The following DMD variants were observed in gnomAD, a reference collection of about 807,000 sequenced individuals.
DMD encodes the protein mutant dystrophin.
In DMD, 63 loss-of-function variants were observed where a neutral mutation model predicts 330.1. The observed-to-expected ratio is 0.19, with a 90% CI of 0.16 to 0.24. DMD has a LOEUF of 0.24. Ranked by LOEUF, DMD falls within the 10% of genes least tolerant of loss-of-function variation. DMD has a pLI of 1.00. For synonymous variants in DMD, 1,223 were observed against 959.8 expected (o/e 1.27, Z -5.07); for missense variants, 3,344 against 2,684.1 (o/e 1.25, Z -5.43).
intron 73 of DMD, 147 bp downstream of exon 73, chrX:31,172,201 A>T: frequency 2.0e-6 from 1 of 510,525 alleles, no homozygotes; most frequent in Non-Finnish European, 3.4e-6. Context: ...GGGCATTAAG[A>T]ATTAAAGGAA....
chrX:32,375,950 T>C (rs1160547427), intron 34 of DMD, among the ~76,000 whole-genome samples: 1 of 111,615 alleles, frequency 9.0e-6, no homozygotes, highest in African/African-American at 3.3e-5. Flanking sequence ...CTATGCCAAG[T>C]TTATAAAGAA....
At chrX:31,979,396 A>T (rs2095460229) in intron 44 of DMD, among the ~76,000 whole-genome samples, 1 of 111,598 alleles carries the variant, frequency 9.0e-6, no homozygotes, top group East Asian at 2.8e-4. Context: ...GATTGTCTTT[A>T]TTTCAGGGAC....
At chrX:32,359,410 C>T (rs994864551) in intron 37 of DMD, among the ~76,000 whole-genome samples, 15 of 111,823 alleles carry the variant, frequency 1.3e-4, no homozygotes, top group Admixed American at 1.9e-4. Flanking sequence ...ATGACCTACC[C>T]GTGTTCAATC....
rs889535835 is a variant in DMD at position 32,818,923 on chromosome X, T to A, written c.358-2283A>T. Among the ~76,000 whole-genome samples, 21 of 110,477 alleles carry A rather than the reference T, an allele frequency of 1.9e-4. No individual in the cohort carries two copies. The Middle Eastern group carries it at 0.014, about 74-fold the overall frequency. On this transcript the variant is annotated intron_variant, in intron 5 of 78. Coordinates refer to ENST00000357033, the MANE Select transcript of DMD (RefSeq NM_004006.3). ...CCTAGCTGCAAGTTGTCTATGGGGT[T>A]TGAATAAGCGTGTCATAGGGTCTAC...
intron 51 of DMD, among the ~76,000 whole-genome samples, chrX:31,746,314 C>G (rs2087832401): frequency 9.0e-6 from 1 of 111,381 alleles, no homozygotes; most frequent in Non-Finnish European, 1.9e-5. Flanking sequence ...CACAGTTAAT[C>G]AGAATAATTC....
chrX:32,611,421 A>G (rs141729402), intron 12 of DMD, among the ~76,000 whole-genome samples: 5,361 of 111,062 alleles, frequency 0.048, 126 homozygotes, highest in Middle Eastern at 0.069. Flanking sequence ...TTTGTTTCAC[A>G]TTTTTTCTTC....
chrX:32,178,830 GGTGTGTGTGTGTGTGTGT>G (rs60773717), intron 44 of DMD, among the ~76,000 whole-genome samples: 21 of 99,176 alleles, frequency 2.1e-4, no homozygotes, highest in African/African-American at 6.8e-4. Context: ...TATTCCAGGG[GGTGTGTGTGTGTGTGTGT>G]GTGTGTGTGT....
intron 52 of DMD, among the ~76,000 whole-genome samples, chrX:31,715,441 G>T (rs1481370750): frequency 1.9e-5 from 2 of 103,483 alleles, no homozygotes; most frequent in South Asian, 4.7e-4. Context: ...TACACGGGAG[G>T]CTGAGGCAGG....
At chrX:31,273,593 G>A (rs1390471443) in intron 62 of DMD, among the ~76,000 whole-genome samples, 1 of 111,805 alleles carries the variant, frequency 8.9e-6, no homozygotes, top group African/African-American at 3.2e-5. Flanking sequence ...TCAATTAAGC[G>A]AACAAGGAAG....
chrX:31,505,026 A>C (rs1223512498), intron 56 of DMD, among the ~76,000 whole-genome samples: 1 of 112,052 alleles, frequency 8.9e-6, no homozygotes, highest in African/African-American at 3.2e-5. Flanking sequence ...GCCACTTTCA[A>C]TTCTCCTTTT....
At chrX:33,242,407 A>G (rs915702498) in intron 1 of DMD, among the ~76,000 whole-genome samples, 1 of 111,599 alleles carries the variant, frequency 9.0e-6, no homozygotes, top group Non-Finnish European at 1.9e-5. Flanking sequence ...ATAGTCTCCA[A>G]TCTCATCCAG....
intron 45 of DMD, among the ~76,000 whole-genome samples, chrX:31,936,888 A>G (rs1200912767): frequency 1.8e-5 from 2 of 110,991 alleles, no homozygotes; most frequent in African/African-American, 6.5e-5. Flanking sequence ...TCTCTTCTGA[A>G]TTGATTTATG....
At chrX:31,211,862 T>G (rs1041684657) in intron 64 of DMD, among the ~76,000 whole-genome samples, 4 of 111,844 alleles carry the variant, frequency 3.6e-5, no homozygotes, top group Non-Finnish European at 5.6e-5. Flanking sequence ...TAAACAAACA[T>G]GTCAAACAGA....
intron 7 of DMD, among the ~76,000 whole-genome samples, chrX:32,734,649 G>T (rs376674432): frequency 9.3e-6 from 1 of 107,609 alleles, no homozygotes; most frequent in Admixed American, 1.0e-4. Flanking sequence ...TATAAACAGA[G>T]CCAAAGACAA....
intron 2 of DMD, among the ~76,000 whole-genome samples, chrX:32,949,342 G>GTAGATAGATAGATAGA (rs1193558967): frequency 1.6e-4 from 15 of 91,542 alleles, no homozygotes; most frequent in South Asian, 5.8e-4. Flanking sequence ...AGGTAGGTAG[G>GTAGATAGATAGATAGA]TAGATAGATA....
At chrX:32,948,871 A>G (rs1355593745) in intron 2 of DMD, among the ~76,000 whole-genome samples, 1 of 112,018 alleles carries the variant, frequency 8.9e-6, no homozygotes, top group Non-Finnish European at 1.9e-5. Flanking sequence ...TACATCATGC[A>G]TCAAAAATTA....
chrX:32,652,954 A>G (rs1482070466), intron 9 of DMD, among the ~76,000 whole-genome samples: 2 of 112,017 alleles, frequency 1.8e-5, no homozygotes, highest in African/African-American at 6.5e-5. Context: ...GGCTGCATCA[A>G]TGCCTTTTTT....
intron 1 of DMD, among the ~76,000 whole-genome samples, chrX:33,252,440 C>T (rs1389598182): frequency 9.0e-6 from 1 of 111,480 alleles, no homozygotes; most frequent in Non-Finnish European, 1.9e-5. Context: ...TCTCTGCTCT[C>T]CACAGGGCTT....
chrX:32,123,495 G>T (rs2096648181), intron 44 of DMD, among the ~76,000 whole-genome samples: 1 of 108,635 alleles, frequency 9.2e-6, no homozygotes, highest in Non-Finnish European at 1.9e-5. Flanking sequence ...TCCATAGGGG[G>T]AAATGAATGT....
Sources: allele counts gnomAD v4.1 joint callset (sites outside exome capture counted in the v4.1 genomes callset), GRCh38; gene constraint gnomAD v4.1.1; transcripts MANE v1.5; gene names NCBI Gene and HGNC (gene_info 2026-07-23, HGNC 2026-07-21).